Variants in TLR5 observed in about 807,000 individuals in gnomAD.
TLR5 encodes the protein toll-like receptor 5.
For missense variants in TLR5, 944 were observed against 999.8 expected (o/e 0.94, Z 0.75); for synonymous variants, 373 against 384.4 (o/e 0.97, Z 0.35).
At chr1:223,123,175 G>A (rs1657018964) in intron 5 of TLR5, among the ~76,000 whole-genome samples, 1 of 152,148 alleles carries the variant, frequency 6.6e-6, no homozygotes, top group Non-Finnish European at 1.5e-5. Flanking sequence ...ACACGAGAAG[G>A]AAATTCTCAT....
intron 5 of TLR5, chr1:223,128,960 G>A (rs1228559555): frequency 6.6e-6 from 1 of 152,280 alleles, no homozygotes; most frequent in Non-Finnish European, 1.5e-5. Context: ...CCCTCTGCCA[G>A]TGACAGGAGG....
At chr1:223,116,042 TCTC>T (rs1397933970) in intron 5 of TLR5, among the ~76,000 whole-genome samples, 1 of 152,158 alleles carries the variant, frequency 6.6e-6, no homozygotes, top group Non-Finnish European at 1.5e-5. Flanking sequence ...CAGCGAGACT[TCTC>T]CTGCACACAC....
At chr1:223,123,765 G>A (rs1571747402) in intron 5 of TLR5, 1 of 152,376 alleles carries the variant, frequency 6.6e-6, no homozygotes, top group East Asian at 1.9e-4. Flanking sequence ...AATCTAAAGA[G>A]GAGAACCAGG....
At chr1:223,128,121 C>T (rs712866) in intron 5 of TLR5, 98,475 of 152,122 alleles carry the variant, frequency 0.65, 32,808 homozygotes, top group African/African-American at 0.8. Flanking sequence ...TACCCTCGCC[C>T]GTATGCTCCT....
At chr1:223,127,387 A>T (rs770590840) in intron 5 of TLR5, 1 of 152,210 alleles carries the variant, frequency 6.6e-6, no homozygotes, top group Admixed American at 6.5e-5. Context: ...CACAGGTATA[A>T]AATTCCTGGA....
intron 5 of TLR5, among the ~76,000 whole-genome samples, chr1:223,118,703 A>G (rs1324285985): frequency 6.6e-6 from 1 of 152,208 alleles, no homozygotes; most frequent in Non-Finnish European, 1.5e-5. Context: ...GTCTGTGTTG[A>G]TGTTAATGCT....
Position 223,117,757 on chromosome 1 carries a change from G to T in TLR5, c.-4-4722C>A, listed in dbSNP as rs577052081. On this transcript the variant is annotated intron_variant, in intron 5 of 5. Coordinates refer to ENST00000642603, the MANE Select transcript of TLR5 (RefSeq NM_003268.6). Reference sequence around the variant, plus strand: ...CTGCCTCCTAGGAAACTGTAATTTTGCAGGGATGATTTTTGGTTGTCACAG... The same window carrying T: ...CTGCCTCCTAGGAAACTGTAATTTTTCAGGGATGATTTTTGGTTGTCACAG... 7.2e-5 allele frequency among the ~76,000 whole-genome samples: 11 copies of T among 152,234 alleles called. No individual in the cohort carries two copies. In the East Asian group the frequency reaches 2.1e-3, roughly 29 times the overall value.
chr1:223,140,131 G>A (rs962078694), intron 2 of TLR5, among the ~76,000 whole-genome samples: 1 of 152,178 alleles, frequency 6.6e-6, no homozygotes, highest in African/African-American at 2.4e-5. Flanking sequence ...GTAGGGGCCT[G>A]CCAGGGAAGT....
intron 5 of TLR5, among the ~76,000 whole-genome samples, chr1:223,119,839 A>G (rs1302996645): frequency 6.6e-6 from 1 of 150,714 alleles, no homozygotes; most frequent in Non-Finnish European, 1.5e-5. Context: ...TGGCATCTGT[A>G]CTTGGGAGGT....
chr1:223,116,144 T>C (rs892933035), intron 5 of TLR5, among the ~76,000 whole-genome samples: 2 of 152,204 alleles, frequency 1.3e-5, no homozygotes, highest in African/African-American at 4.8e-5. Flanking sequence ...ACTTGTCTTG[T>C]CTATTTGCTT....
Position 223,110,871 on chromosome 1 carries a change from C to G in TLR5, c.2161G>C (p.Asp721His), listed in dbSNP as rs942765038. The change falls in exon 6 of 6, where the codon GAC becomes CAC. Residue 721 changes from aspartate (D) to histidine (H), a missense_variant. Transcript: ENST00000642603. ...AAGCACAGGTTGAATCTGTTTTGGT[C>G]ACTGTATTGAGTGTCCAGGTGTTTG... is the stretch of plus-strand genomic sequence containing the variant. Reference protein sequence around the residue: ...LLKHLDTQYSDQNRFNLCFEE... With the variant: ...LLKHLDTQYSHQNRFNLCFEE... 1.2e-6 allele frequency: 2 copies of G among 1,614,224 alleles called. No individual in the cohort carries two copies. The highest frequency in any genetic ancestry group is 2.7e-5 in the African/African-American group (2 of 75,066).
chr1:223,133,916 G>A (rs1032456912), intron 4 of TLR5, among the ~76,000 whole-genome samples: 1 of 152,212 alleles, frequency 6.6e-6, no homozygotes, highest in Non-Finnish European at 1.5e-5. Flanking sequence ...AGCGGGGCGC[G>A]GGGAGCTGCA....
rs534405207 is a variant in TLR5 at position 223,114,964 on chromosome 1, T to C, written c.-4-1929A>G. On this transcript the variant is annotated intron_variant, in intron 5 of 5. Transcript: ENST00000642603. ...CCCTACTGTAAGCCGCCGCCATCTC[T>C]TTGCATGGGCCAGACTGGAGACTCC... is the stretch of plus-strand genomic sequence containing the variant. Among the ~76,000 whole-genome samples, 40 of 152,320 alleles carry C rather than the reference T, an allele frequency of 2.6e-4. 1 individual carries two copies. Among genetic ancestry groups the C allele is most frequent in the African/African-American group, 9.4e-4 (39 of 41,562 alleles).
intron 5 of TLR5, among the ~76,000 whole-genome samples, chr1:223,114,282 T>C (rs143585385): frequency 2.1e-4 from 32 of 152,272 alleles, no homozygotes; most frequent in African/African-American, 7.0e-4. Flanking sequence ...CTGGGTGCTA[T>C]GAAGAGAAAA....
chr1:223,118,970 G>A (rs2102888951), intron 5 of TLR5, among the ~76,000 whole-genome samples: 1 of 152,156 alleles, frequency 6.6e-6, no homozygotes, highest in South Asian at 2.1e-4. Context: ...CAGGCATGGT[G>A]GCACGTGTCT....
chr1:223,130,845 C>T (rs1180209052), intron 5 of TLR5, among the ~76,000 whole-genome samples: 1 of 152,190 alleles, frequency 6.6e-6, no homozygotes, highest in African/African-American at 2.4e-5. Flanking sequence ...TTATTTCTGT[C>T]TTTAGTGTAT....
intron 5 of TLR5, chr1:223,129,706 C>T (rs1247350699): frequency 6.6e-6 from 1 of 152,334 alleles, no homozygotes; most frequent in East Asian, 1.9e-4. Context: ...AACAGGCAGT[C>T]CGTTCATGCG....
chr1:223,112,212 T>C lies in TLR5; in HGVS notation c.820A>G (p.Ile274Val). The C allele has an allele frequency of 1.2e-6, 2 of 1,614,188 alleles. No individual in the cohort carries two copies. The highest frequency in any genetic ancestry group is 1.7e-6 in the Non-Finnish European group (2 of 1,180,026). ...AATGTGTTCTGGTCAGGATCTTTGA[T>C]GTTATGGAAGCCAAACCCGGCACCC... is the stretch of plus-strand genomic sequence containing the variant. ...IMGAGFGFHN[I>V]KDPDQNTFAG... Residue 274 changes from isoleucine to valine, a missense_variant, in exon 6 of 6, where the codon ATC becomes GTC. By Grantham distance (29) the Ile-to-Val change is conservative. Coordinates refer to ENST00000642603, the MANE Select transcript of TLR5 (RefSeq NM_003268.6).
At chr1:223,129,134 C>T (rs965414871) in intron 5 of TLR5, 1 of 152,372 alleles carries the variant, frequency 6.6e-6, no homozygotes, top group African/African-American at 2.4e-5. Flanking sequence ...TCCGGGCTTT[C>T]TCTTCAAACC....
Sources: allele counts gnomAD v4.1 joint callset (sites outside exome capture counted in the v4.1 genomes callset), GRCh38; gene constraint gnomAD v4.1.1; transcripts MANE v1.5; gene names NCBI Gene and HGNC (gene_info 2026-07-23, HGNC 2026-07-21).